SPATA6L: variants seen among roughly 807,000 people sequenced by gnomAD.
SPATA6L encodes spermatogenesis associated 6 like.
A neutral mutation model predicts 49.2 loss-of-function variants in SPATA6L; 68 were observed. That is an observed-to-expected ratio of 1.38 (90% CI 1.14 to 1.69). SPATA6L has a LOEUF of 1.69. SPATA6L is among the 40% of genes most tolerant of loss of function. The probability of loss-of-function intolerance (pLI) is 0.00; values close to 1 mark genes in which losing one functional copy is unlikely to be tolerated. For synonymous variants in SPATA6L, 198 were observed against 165.7 expected, an observed-to-expected ratio of 1.19 and a Z score of -1.50; for missense variants, 668 against 464.3, an observed-to-expected ratio of 1.44 and a Z score of -4.03.
At chr9:4,619,271 C>T (rs1033715587) in intron 7 of SPATA6L, among the ~76,000 whole-genome samples, 1 of 151,582 alleles carries the variant, frequency 6.6e-6, no homozygotes, top group South Asian at 2.1e-4. Flanking sequence ...GATTCTCTGC[C>T]TCAGCCTCCC....
intron 5 of SPATA6L, chr9:4,626,260 G>A (rs186757300): frequency 1.7e-6 from 1 of 592,158 alleles, no homozygotes; most frequent in African/African-American, 1.9e-5. Flanking sequence ...ATTATGCCAG[G>A]ACTAGCCCCA....
At chr9:4,632,192 G>A (rs1029704285) in intron 4 of SPATA6L, among the ~76,000 whole-genome samples, 5 of 151,490 alleles carry the variant, frequency 3.3e-5, no homozygotes, top group African/African-American at 9.7e-5. Flanking sequence ...ACTAATTTTT[G>A]TATTTTCAGT....
In SPATA6L at chr9:4,600,562, T is replaced by C. The variant is rs1367769800; in HGVS notation, c.*249A>G. ...CAACTACAGCGCTTTCTCTTTCATG[T>C]TCAAAACAAACATGCAAAAACACAA... On this transcript the variant is annotated 3_prime_UTR_variant, in exon 12 of 12. Transcript: ENST00000682582. The C allele has an allele frequency of 3.3e-5, 5 of 150,898 alleles. No homozygotes were observed. In the East Asian group the frequency reaches 9.7e-4, roughly 29 times the overall value. 9.3% of individuals were successfully genotyped at this position (150,898 alleles called of 1,614,324 possible). A position where few individuals can be genotyped will look rare whatever the true frequency, so the allele number is the denominator to read the frequency against.
chr9:4,604,583 G>T (rs983406605), intron 10 of SPATA6L, among the ~76,000 whole-genome samples: 1 of 152,104 alleles, frequency 6.6e-6, no homozygotes, highest in African/African-American at 2.4e-5. Context: ...TGCCTGAAAA[G>T]GTTGGGAATT....
intron 13 of SPATA6L, among the ~76,000 whole-genome samples, chr9:4,592,705 A>G (rs960281829): frequency 1.4e-4 from 21 of 152,238 alleles, no homozygotes; most frequent in Non-Finnish European, 5.9e-5. Context: ...CATAGTAGCT[A>G]TAGTTAATAC....
rs771272916 is a variant in SPATA6L, at chr9:4,645,971, C to A, written c.226+10070G>T. Among the ~76,000 whole-genome samples, 3 of 152,038 alleles carry A rather than the reference C, an allele frequency of 2.0e-5. No homozygotes were observed. The South Asian group carries it at 6.2e-4, about 32-fold the overall frequency. On this transcript the variant is annotated intron_variant, in intron 3 of 11. Coordinates refer to ENST00000682582, the MANE Select transcript of SPATA6L (RefSeq NM_001353486.2). Reference sequence around the variant, plus strand: ...AACTGAATTGTACATTTGAAAATGACGAATTATATATGATTTAAATCGCAA... The same window carrying A: ...AACTGAATTGTACATTTGAAAATGAAGAATTATATATGATTTAAATCGCAA...
In SPATA6L at chr9:4,619,022, A is replaced by T. The variant is rs891965964; in HGVS notation, c.773-124T>A. 11 of 818,646 alleles carry T rather than the reference A, an allele frequency of 1.3e-5. No individual in the cohort carries two copies. In the African/African-American group the frequency reaches 1.7e-4, roughly 13 times the overall value. The allele number at this position is 818,646 out of a possible 1,614,324, so 50.7% of individuals were successfully genotyped here. On this transcript the variant is annotated intron_variant, in intron 7 of 11. Coordinates refer to ENST00000682582, the MANE Select transcript of SPATA6L (RefSeq NM_001353486.2). ...CAATGAATTAATTATTTAAAAACTT[A>T]AATGCTCCCTTGTAAGTTACACTAT...
chr9:4,596,336 G>GA (rs1822256987), downstream of SPATA6L: 1 of 152,148 alleles, frequency 6.6e-6, no homozygotes, highest in East Asian at 1.9e-4. Flanking sequence ...GAGACCCAGT[G>GA]AACAAAGGAC....
chr9:4,625,180 C>T (rs1830104301), intron 6 of SPATA6L, 147 bp downstream of exon 6: 2 of 1,359,456 alleles, frequency 1.5e-6, no homozygotes, highest in East Asian at 2.6e-5. Context: ...AGGAAATGAA[C>T]ATAATTTAAT....
At chr9:4,660,196 A>G (rs968713788) in intron 2 of SPATA6L, among the ~76,000 whole-genome samples, 3 of 152,242 alleles carry the variant, frequency 2.0e-5, no homozygotes, top group African/African-American at 7.2e-5. Flanking sequence ...TAATTAAACT[A>G]AAGAGCTTCT....
intron 3 of SPATA6L, among the ~76,000 whole-genome samples, chr9:4,648,925 T>C (rs1283228433): frequency 2.0e-5 from 3 of 152,120 alleles, no homozygotes; most frequent in South Asian, 2.1e-4. Context: ...GAATATACGA[T>C]GTTTGATTTT....
At chr9:4,617,036 C>G (rs891847405) in intron 9 of SPATA6L, among the ~76,000 whole-genome samples, 4 of 152,156 alleles carry the variant, frequency 2.6e-5, no homozygotes, top group Admixed American at 2.0e-4. Context: ...GTTATTATGT[C>G]ATTTCTGAAA....
rs373772153 is a variant in SPATA6L at position 4,625,439 on chromosome 9, G to A, written c.557C>T (p.Ala186Val). ...ATGCCTGGTAGAATATTGAGAGGGC[G>A]CCCGGGCTTGCATGCCTTTGGGCAG... is the stretch of plus-strand genomic sequence containing the variant. Reference protein sequence around the residue: ...NRLPKGMQARAPSQYSTRHFF... With the variant: ...NRLPKGMQARVPSQYSTRHFF... Residue 186 changes from alanine to valine, a missense_variant, in exon 6 of 12, where the codon GCG becomes GTG. Ala to Val is a moderately conservative substitution (Grantham distance 64). Transcript: ENST00000682582. The A allele has an allele frequency of 2.9e-5, 47 of 1,614,098 alleles. No homozygotes were observed. Among genetic ancestry groups the A allele is most frequent in the Admixed American group, 1.0e-4 (6 of 60,014 alleles).
rs749354174 is a variant in SPATA6L, at chr9:4,662,639, G to A, written c.40-603C>T. On this transcript the variant is annotated intron_variant, in intron 1 of 11. Coordinates refer to ENST00000682582, the MANE Select transcript of SPATA6L (RefSeq NM_001353486.2). This position sits in a 1 kb window ranked among gnomAD's most constrained non-coding sequence, Gnocchi z 4.9. ...AGTCGCCCGCGCCTCCGCTGCCCGA[G>A]GAGGACCGCATGGACTTGAACCCGT... The A allele has an allele frequency of 2.5e-6, 4 of 1,598,818 alleles. No individual in the cohort carries two copies. In the African/African-American group the frequency reaches 4.0e-5, roughly 16 times the overall value.
intron 3 of SPATA6L, among the ~76,000 whole-genome samples, chr9:4,645,294 C>T (rs1208934125): frequency 6.6e-6 from 1 of 152,114 alleles, no homozygotes; most frequent in African/African-American, 2.4e-5. Context: ...TTTATAACAT[C>T]CAAAAAGTAG....
chr9:4,628,740 A>T (rs942144857), intron 5 of SPATA6L: 1 of 169,590 alleles, frequency 5.9e-6, no homozygotes, highest in Non-Finnish European at 1.2e-5. Flanking sequence ...AAATTTTTAA[A>T]TTTTTAAAAA....
Position 4,666,374 on chromosome 9 carries a change from G to A in SPATA6L, c.-124C>T, listed in dbSNP as rs941671266. 18 of 1,027,936 alleles carry A rather than the reference G, an allele frequency of 1.8e-5. No individual in the cohort carries two copies. Among genetic ancestry groups the A allele is most frequent in the Non-Finnish European group, 2.4e-5 (16 of 668,128 alleles). The allele number at this position is 1,027,936 out of a possible 1,614,324, so 63.7% of individuals were successfully genotyped here. On this transcript the variant is annotated 5_prime_UTR_variant, in exon 1 of 12. Transcript: ENST00000682582. ...TTCCCAGAAGCTTCCCCAGTCCCAC[G>A]CCCTTGTTCCCCTACCGTCCCCCCC...
At chr9:4,620,735 C>A (rs1030121981) in intron 7 of SPATA6L, among the ~76,000 whole-genome samples, 25 of 152,172 alleles carry the variant, frequency 1.6e-4, no homozygotes, top group African/African-American at 4.8e-4. Context: ...TAGTTCTCCA[C>A]ATGCCAGGAT....
In SPATA6L at chr9:4,662,625, C is replaced by CCT. The variant is rs1355175702; in HGVS notation, c.40-591_40-590dup. On this transcript the variant is annotated intron_variant, in intron 1 of 11. Coordinates refer to ENST00000682582, the MANE Select transcript of SPATA6L (RefSeq NM_001353486.2). This position sits in a 1 kb window ranked among gnomAD's most constrained non-coding sequence, Gnocchi z 4.9. Reference sequence around the variant, plus strand: ...GGCGGGCCCCTCGCAGTCGCCCGCGCCTCCGCTGCCCGAGGAGGACCGCAT... The same window carrying CCT: ...GGCGGGCCCCTCGCAGTCGCCCGCGCCTCTCCGCTGCCCGAGGAGGACCGCAT... The CCT allele has an allele frequency of 1.3e-6, 2 of 1,596,656 alleles. No individual in the cohort carries two copies. The highest frequency in any genetic ancestry group is 2.7e-5 in the African/African-American group (2 of 74,842).
Sources: gnomAD v4.1 joint callset for allele counts (sites outside exome capture counted in the v4.1 genomes callset) on GRCh38, gnomAD v4.1.1 for gene constraint, Gnocchi (gnomAD v3.1) non-coding constraint, MANE v1.5 for transcripts, NCBI Gene and HGNC (gene_info 2026-07-23, HGNC 2026-07-21) for gene names.